LRP1B: variants seen among roughly 807,000 people sequenced by gnomAD.
The protein encoded by LRP1B is LDL receptor related protein 1B, also known as low-density lipoprotein receptor-related protein 1B.
A neutral mutation model predicts 556.6 loss-of-function variants in LRP1B; 217 were observed. The observed-to-expected ratio is 0.39, with a 90% CI of 0.35 to 0.44. LRP1B has a LOEUF of 0.44. Ranked by LOEUF, LRP1B falls within the 20% of genes least tolerant of loss-of-function variation. The pLI is 1.00. For missense variants in LRP1B, 5,053 were observed against 5,620.8 expected (o/e 0.90, Z 3.23); for synonymous variants, 2,047 against 1,865.8 (o/e 1.10, Z -2.50).
At chr2:141,303,522 A>G (rs1161835100) in intron 3 of LRP1B, among the ~76,000 whole-genome samples, 1 of 152,124 alleles carries the variant, frequency 6.6e-6, no homozygotes, top group Non-Finnish European at 1.5e-5. Flanking sequence ...TTCACATATG[A>G]GTGAACCTAT....
chr2:140,623,373 A>G (rs1574154974), intron 41 of LRP1B, among the ~76,000 whole-genome samples: 1 of 152,212 alleles, frequency 6.6e-6, no homozygotes, highest in East Asian at 1.9e-4. Flanking sequence ...TTAGAAAAAC[A>G]GTAAATGCAT....
intron 2 of LRP1B, among the ~76,000 whole-genome samples, chr2:141,551,727 C>A (rs1206144028): frequency 6.6e-6 from 1 of 151,926 alleles, no homozygotes; most frequent in Non-Finnish European, 1.5e-5. Context: ...CCAAATTTGG[C>A]CCTATGAAAA....
At chr2:141,065,890 G>A (rs1442458689) in intron 7 of LRP1B, among the ~76,000 whole-genome samples, 1 of 151,864 alleles carries the variant, frequency 6.6e-6, no homozygotes, top group African/African-American at 2.4e-5. Context: ...GAAAACTCAT[G>A]GTAGATTGTG....
At chr2:141,695,816 G>A (rs1691717325) in intron 2 of LRP1B, among the ~76,000 whole-genome samples, 1 of 151,936 alleles carries the variant, frequency 6.6e-6, no homozygotes, top group Admixed American at 6.6e-5. Flanking sequence ...TTGATTCAAT[G>A]TTACTGTCAA....
intron 71 of LRP1B, 25 bp downstream of exon 71, chr2:140,370,685 G>GCA (rs755618288): frequency 1.5e-5 from 24 of 1,608,224 alleles, no homozygotes; most frequent in East Asian, 2.2e-5. Context: ...TCATTTACAG[G>GCA]CACACACACA....
intron 2 of LRP1B, among the ~76,000 whole-genome samples, chr2:141,586,941 C>CAAAAAAAAAAAAAA (rs769891211): frequency 1.1e-4 from 8 of 71,548 alleles, no homozygotes; most frequent in Non-Finnish European, 1.9e-4. Flanking sequence ...GACTCCATCT[C>CAAAAAAAAAAAAAA]AAAAAAAAAA....
chr2:142,059,280 G>A (rs1175003919), intron 1 of LRP1B, among the ~76,000 whole-genome samples: 1 of 152,130 alleles, frequency 6.6e-6, no homozygotes, highest in Admixed American at 6.6e-5. Context: ...TCTGAAATGA[G>A]TGAATTTTTT....
intron 3 of LRP1B, among the ~76,000 whole-genome samples, chr2:141,350,339 T>C (rs1223371077): frequency 6.6e-6 from 1 of 152,058 alleles, no homozygotes; most frequent in Admixed American, 6.6e-5. Flanking sequence ...TAGTGTGTTG[T>C]CAGGGCAGTG....
intron 80 of LRP1B, among the ~76,000 whole-genome samples, chr2:140,325,440 G>A (rs549661787): frequency 1.2e-4 from 18 of 152,188 alleles, no homozygotes; most frequent in African/African-American, 4.3e-4. Context: ...AAAAGTTAGT[G>A]TCCACAGGTG....
chr2:141,247,317 C>G lies in LRP1B; in HGVS notation c.501G>C (p.Gln167His), dbSNP rs1243961284. The G allele has an allele frequency of 6.2e-7, 1 of 1,613,748 alleles. No individual in the cohort carries two copies. Among genetic ancestry groups the G allele is most frequent in the East Asian group, 2.2e-5 (1 of 44,844 alleles). ...DECAVYGTCS[Q>H]TCRNTHGSYT... Reference sequence around the variant, plus strand: ...AGGATCCATGTGTGTTTCTGCAGGTCTGGCTGCATGTACCATAAACAGCAC... The same window carrying G: ...AGGATCCATGTGTGTTTCTGCAGGTGTGGCTGCATGTACCATAAACAGCAC... The change falls in exon 5 of 91, where the codon CAG becomes CAC. Residue 167 changes from glutamine to histidine, a missense_variant. Physicochemically the swap from Gln to His is conservative, Grantham distance 24. Around this residue, in one of 5 missense-constraint regions of LRP1B, gnomAD observed 3,619 missense variants for 3,931.9 expected, o/e 0.92. Coordinates refer to ENST00000389484, the MANE Select transcript of LRP1B (RefSeq NM_018557.3).
At position 140,798,549 on chromosome 2, in the gene LRP1B, C is replaced by T. The variant is rs115487979; in HGVS notation, c.5359+15108G>A. Among the ~76,000 whole-genome samples the T allele has an allele frequency of 6.1e-3, 935 of 152,164 alleles. 13 individuals carry two copies. The highest frequency in any genetic ancestry group is 0.021 in the African/African-American group (882 of 41,512). On this transcript the variant is annotated intron_variant, in intron 32 of 90. Coordinates refer to ENST00000389484, the MANE Select transcript of LRP1B (RefSeq NM_018557.3). ...TTTCAGGCCTCATAGAGGCAATTGG[C>T]TATGAAGGTTAGAAGGGGTATTTTT...
intron 2 of LRP1B, among the ~76,000 whole-genome samples, chr2:141,554,833 C>T (rs765638004): frequency 4.6e-5 from 7 of 151,956 alleles, no homozygotes; most frequent in Non-Finnish European, 7.4e-5. Flanking sequence ...GCAGCACCTG[C>T]ATCACTGTGC....
chr2:140,314,953 A>T lies in LRP1B; in HGVS notation c.12787T>A (p.Cys4263Ser). The T allele has an allele frequency of 1.9e-6, 3 of 1,606,950 alleles. No homozygotes were observed. The highest frequency in any genetic ancestry group is 2.5e-6 in the Non-Finnish European group (3 of 1,176,566). Reference protein sequence around the residue: ...CSNYCQNGGTCVPSVLGRPTC... With the variant: ...CSNYCQNGGTSVPSVLGRPTC... Reference sequence around the variant, plus strand: ...TATTTACCTAGAACTGATGGTACGCAAGTTCCTCCATTCTGGCAGTAGTTG... The same window carrying T: ...TATTTACCTAGAACTGATGGTACGCTAGTTCCTCCATTCTGGCAGTAGTTG... Residue 4263 changes from cysteine to serine, a missense_variant, in exon 83 of 91, where the codon TGC becomes AGC. Physicochemically the swap from Cys to Ser is moderately radical, Grantham distance 112. This residue lies in a region of LRP1B where 551 missense variants were observed against 592.0 expected (regional missense o/e 0.93). Transcript: ENST00000389484.
At chr2:140,408,957 T>C (rs1684859373) in intron 66 of LRP1B, among the ~76,000 whole-genome samples, 1 of 151,892 alleles carries the variant, frequency 6.6e-6, no homozygotes, top group African/African-American at 2.4e-5. Flanking sequence ...AGAGGAGTAA[T>C]CACATTAAGC....
intron 2 of LRP1B, among the ~76,000 whole-genome samples, chr2:141,795,875 T>TATAC (rs1695790864): frequency 1.4e-5 from 1 of 69,960 alleles, no homozygotes; most frequent in Non-Finnish European, 3.0e-5. Context: ...TATATATATA[T>TATAC]ATATATATAT....
intron 41 of LRP1B, among the ~76,000 whole-genome samples, chr2:140,619,928 T>C (rs751007573): frequency 8.5e-5 from 13 of 152,184 alleles, no homozygotes; most frequent in Non-Finnish European, 1.2e-4. Flanking sequence ...AAATAACTAT[T>C]GTATGCCTTC....
intron 80 of LRP1B, among the ~76,000 whole-genome samples, 172 bp downstream of exon 80, chr2:140,325,590 T>A (rs654051): frequency 6.6e-6 from 1 of 151,902 alleles, no homozygotes; most frequent in Non-Finnish European, 1.5e-5. Flanking sequence ...TGGCCTCTAT[T>A]TTTTTCCAGT....
intron 43 of LRP1B, among the ~76,000 whole-genome samples, chr2:140,595,090 AT>A (rs1682379524): frequency 6.0e-4 from 2 of 3,334 alleles, no homozygotes; most frequent in African/African-American, 8.5e-4. Flanking sequence ...TAAATTGAAT[AT>A]ATATATATAT....
chr2:141,158,132 G>A (rs1360057891), intron 7 of LRP1B, among the ~76,000 whole-genome samples: 1 of 152,086 alleles, frequency 6.6e-6, no homozygotes, highest in Non-Finnish European at 1.5e-5. Context: ...ATCATTAAAT[G>A]ACTGAAATCA....
Sources: allele counts gnomAD v4.1 joint callset (sites outside exome capture counted in the v4.1 genomes callset), GRCh38; gene constraint gnomAD v4.1.1; regional missense constraint gnomAD v4.1.1; transcripts MANE v1.5; gene names NCBI Gene and HGNC (gene_info 2026-07-23, HGNC 2026-07-21).